Variants in ADGRL2 observed in about 807,000 individuals in gnomAD.
The protein encoded by ADGRL2 is calcium-independent alpha-latrotoxin receptor 2.
In ADGRL2, 44 loss-of-function variants were observed where a neutral mutation model predicts 157.4. That is an observed-to-expected ratio of 0.28 (90% CI 0.22 to 0.36). The LOEUF (loss-of-function observed/expected upper bound fraction) is 0.36, where lower values mean the gene tolerates loss of function less well. ADGRL2 is among the 10% of genes least tolerant of loss of function. ADGRL2 has a pLI of 1.00. For synonymous variants in ADGRL2, 585 were observed against 624.7 expected (o/e 0.94, Z 0.95); for missense variants, 1,510 against 1,768.9 (o/e 0.85, Z 2.63).
At chr1:81,374,589 C>CAAAAAAAAAAAA (rs1553158626) in intron 1 of ADGRL2, among the ~76,000 whole-genome samples, 1 of 42,304 alleles carries the variant, frequency 2.4e-5, no homozygotes, top group Non-Finnish European at 6.4e-5. Context: ...AAAAAAAAAA[C>CAAAAAAAAAAAA]AAGTTGCCTT....
chr1:81,781,687 C>T lies in ADGRL2; in HGVS notation c.-101+19835C>T, dbSNP rs574005263. ...TAGCCAAGGATATAGAACTTGGATC[C>T]AGGTGACCATGGGTATCAGAAGCAG... On this transcript the variant is annotated intron_variant, in intron 2 of 20. Transcript: ENST00000359929. Among the ~76,000 whole-genome samples, 16 of 152,274 alleles carry T rather than the reference C, an allele frequency of 1.1e-4. No homozygotes were observed. The South Asian group carries it at 3.3e-3, about 32-fold the overall frequency.
intron 2 of ADGRL2, chr1:81,502,019 C>A: frequency 6.2e-7 from 1 of 1,603,578 alleles, no homozygotes; most frequent in Non-Finnish European, 8.5e-7. Flanking sequence ...AGCAGTGGCC[C>A]AAGTGTTTGA....
chr1:81,877,707 T>TA (rs11356912), intron 2 of ADGRL2, among the ~76,000 whole-genome samples: 3 of 151,690 alleles, frequency 2.0e-5, no homozygotes, highest in Non-Finnish European at 2.9e-5. Flanking sequence ...CTTGCTTTGT[T>TA]AAAAAAAAAG....
chr1:81,940,418 A>G (rs1452298995), intron 4 of ADGRL2, among the ~76,000 whole-genome samples: 3 of 151,568 alleles, frequency 2.0e-5, no homozygotes, highest in Non-Finnish European at 4.4e-5. Context: ...ATACAAAAGT[A>G]TTGTTTTCAA....
intron 2 of ADGRL2, among the ~76,000 whole-genome samples, chr1:81,879,558 C>A (rs753701078): frequency 6.7e-6 from 1 of 148,952 alleles, no homozygotes; most frequent in African/African-American, 2.5e-5. Flanking sequence ...CCTAAGTGAG[C>A]CAGGTAGATT....
At position 81,594,068 on chromosome 1, in the gene ADGRL2, C is replaced by A. The variant is rs933157116; in HGVS notation, c.-143+13088C>A. On this transcript the variant is annotated intron_variant, in intron 3 of 24. Transcript: ENST00000370721. ...ATACACTGGCTCAGGAGAGTATAAG[C>A]TTCCAATTTTTAGATTTATAAATAT... Among the ~76,000 whole-genome samples the A allele has an allele frequency of 2.0e-5, 3 of 152,162 alleles. No homozygotes were observed. In the South Asian group the frequency reaches 6.2e-4, roughly 31 times the overall value.
intron 1 of ADGRL2, among the ~76,000 whole-genome samples, chr1:81,835,652 G>C (rs1424808587): frequency 1.3e-5 from 2 of 151,988 alleles, no homozygotes; most frequent in Non-Finnish European, 2.9e-5. Context: ...GGACAGATAA[G>C]CATCTGAGGT....
chr1:81,827,526 T>G (rs983209802), intron 1 of ADGRL2, among the ~76,000 whole-genome samples: 2 of 152,214 alleles, frequency 1.3e-5, no homozygotes, highest in East Asian at 3.8e-4. Context: ...CCCCGAACAC[T>G]CTAAGGTATA....
At chr1:81,475,740 T>TAGATCA (rs985702509) in intron 2 of ADGRL2, among the ~76,000 whole-genome samples, 117 of 152,076 alleles carry the variant, frequency 7.7e-4, no homozygotes, top group African/African-American at 2.7e-3. Flanking sequence ...CTGGGACAAG[T>TAGATCA]AGATGACAGA....
At chr1:81,353,986 T>TAA (rs1557621493) in intron 1 of ADGRL2, among the ~76,000 whole-genome samples, 2 of 152,116 alleles carry the variant, frequency 1.3e-5, no homozygotes, top group Admixed American at 6.5e-5. Flanking sequence ...TAGAATGACA[T>TAA]GTCTGCAGAG....
chr1:81,660,161 C>T (rs1220805971), intron 3 of ADGRL2, among the ~76,000 whole-genome samples: 1 of 152,104 alleles, frequency 6.6e-6, no homozygotes, highest in Non-Finnish European at 1.5e-5. Context: ...CCATTTAAAG[C>T]TGTGGAAAAT....
At chr1:81,965,274 G>T (rs936856215) in intron 11 of ADGRL2, among the ~76,000 whole-genome samples, 3 of 152,128 alleles carry the variant, frequency 2.0e-5, no homozygotes, top group African/African-American at 7.2e-5. Flanking sequence ...TATTTAACTG[G>T]CATTGTAGCA....
chr1:81,445,854 TAA>T (rs2077587926), intron 2 of ADGRL2, among the ~76,000 whole-genome samples: 1 of 152,236 alleles, frequency 6.6e-6, no homozygotes, highest in Non-Finnish European at 1.5e-5. Context: ...TGGCATAGCA[TAA>T]ACAAATTAGT....
intron 1 of ADGRL2, among the ~76,000 whole-genome samples, chr1:81,757,257 A>C (rs1482671758): frequency 6.6e-6 from 1 of 152,208 alleles, no homozygotes; most frequent in Admixed American, 6.6e-5. Context: ...GAAATAAAAT[A>C]CTTAATGAAG....
chr1:81,687,302 T>C (rs1170022809), intron 3 of ADGRL2, among the ~76,000 whole-genome samples: 1 of 152,210 alleles, frequency 6.6e-6, no homozygotes, highest in East Asian at 1.9e-4. Flanking sequence ...TTAGTAATTG[T>C]TTTATAAATT....
At chr1:81,534,800 G>A (rs1455731132) in intron 2 of ADGRL2, among the ~76,000 whole-genome samples, 3 of 152,190 alleles carry the variant, frequency 2.0e-5, no homozygotes, top group Non-Finnish European at 4.4e-5. Flanking sequence ...CATGGCTTAT[G>A]TCTGAGACTA....
At chr1:81,896,971 G>A (rs1369209878) in intron 2 of ADGRL2, among the ~76,000 whole-genome samples, 1 of 152,182 alleles carries the variant, frequency 6.6e-6, no homozygotes, top group Non-Finnish European at 1.5e-5. Context: ...CACTTGTCCT[G>A]AAGGAGGTCT....
intron 6 of ADGRL2, among the ~76,000 whole-genome samples, chr1:81,946,923 T>A (rs899095457): frequency 5.9e-5 from 9 of 152,182 alleles, no homozygotes; most frequent in Non-Finnish European, 1.2e-4. Flanking sequence ...TCTGTTGTCT[T>A]CAAACCCTTT....
At chr1:81,710,411 G>A (rs1362577067) in intron 1 of ADGRL2, among the ~76,000 whole-genome samples, 1 of 151,964 alleles carries the variant, frequency 6.6e-6, no homozygotes, top group Non-Finnish European at 1.5e-5. Flanking sequence ...TTGAGGCCAG[G>A]AGTTCGAGAC....
Sources: allele counts gnomAD v4.1 joint callset (sites outside exome capture counted in the v4.1 genomes callset), GRCh38; gene constraint gnomAD v4.1.1; transcripts MANE v1.5; gene names NCBI Gene and HGNC (gene_info 2026-07-23, HGNC 2026-07-21).